SLC10A6: variants seen among roughly 807,000 people sequenced by gnomAD.
The protein encoded by SLC10A6 is solute carrier family 10 member 6, also known as sodium-dependent organic anion transporter.
Under a neutral mutation model 30.0 loss-of-function variants are expected in SLC10A6, and 27 were observed. That is an observed-to-expected ratio of 0.90 (90% CI 0.66 to 1.24). The LOEUF is 1.24. SLC10A6 is among the 50% of genes most tolerant of loss of function. SLC10A6 has a pLI of 0.00. For missense variants in SLC10A6, 439 were observed against 457.0 expected, an observed-to-expected ratio of 0.96 and a Z score of 0.36; for synonymous variants, 166 against 173.8, an observed-to-expected ratio of 0.95 and a Z score of 0.36.
At chr4:86,845,876 C>T (rs546217088) in intron 1 of SLC10A6, among the ~76,000 whole-genome samples, 4 of 152,300 alleles carry the variant, frequency 2.6e-5, no homozygotes, top group African/African-American at 7.2e-5. Flanking sequence ...ATTTGCAGAA[C>T]GCACAAACCG....
intron 1 of SLC10A6, 129 bp downstream of exon 1, chr4:86,848,608 CTG>C: frequency 1.6e-6 from 2 of 1,226,616 alleles, no homozygotes; most frequent in Non-Finnish European, 2.3e-6. Flanking sequence ...GAACAAGTCT[CTG>C]TGATATTTGT....
In SLC10A6 at chr4:86,825,724, T is replaced by A. The variant is rs979788027; in HGVS notation, c.762-147A>T. 15 of 883,178 alleles carry A rather than the reference T, an allele frequency of 1.7e-5. No individual in the cohort carries two copies. In the Admixed American group the frequency reaches 4.0e-4, roughly 24 times the overall value. The allele number at this position is 883,178 out of a possible 1,614,324, so 54.7% of individuals were successfully genotyped here. A position where few individuals can be genotyped will look rare whatever the true frequency, so the allele number is the denominator to read the frequency against. ...TCCATAGTTATTTGCTGAGTGCCTA[T>A]TCTGCAGGTGGTCTTCTGAGAGGCA... is the stretch of plus-strand genomic sequence containing the variant. On this transcript the variant is annotated intron_variant, in intron 4 of 5. Transcript: ENST00000273905.
chr4:86,828,197 T>C, intron 3 of SLC10A6, 29 bp from the exon 4 acceptor site: 1 of 1,597,742 alleles, frequency 6.3e-7, no homozygotes, highest in Non-Finnish European at 8.5e-7. Context: ...TAAGTGAATA[T>C]AAACTCAGGG....
chr4:86,838,382 A>T (rs564264272), intron 1 of SLC10A6, among the ~76,000 whole-genome samples: 4 of 152,164 alleles, frequency 2.6e-5, no homozygotes, highest in Non-Finnish European at 5.9e-5. Flanking sequence ...TCTCTAGGAG[A>T]CCTGGCATAG....
chr4:86,849,249 G>C lies in SLC10A6; in HGVS notation c.-134C>G, dbSNP rs1198533337. ...CATTCCAATAACTGTTGGCCAGCAA[G>C]GTGATTCATCCTAATCTGATCAATT... On this transcript the variant is annotated 5_prime_UTR_variant, in exon 1 of 6. Coordinates refer to ENST00000273905, the MANE Select transcript of SLC10A6 (RefSeq NM_197965.3). The C allele has an allele frequency of 1.9e-6, 2 of 1,078,656 alleles. No individual in the cohort carries two copies. The highest frequency in any genetic ancestry group is 3.2e-5 in the African/African-American group (2 of 63,340). 66.8% of individuals were successfully genotyped at this position (1,078,656 alleles called of 1,614,324 possible). A position where few individuals can be genotyped will look rare whatever the true frequency, so the allele number is the denominator to read the frequency against.
chr4:86,829,299 T>A (rs537407453), intron 3 of SLC10A6, among the ~76,000 whole-genome samples: 1 of 152,038 alleles, frequency 6.6e-6, no homozygotes, highest in East Asian at 1.9e-4. Flanking sequence ...TAATCCCAGC[T>A]ACTCAAGAGG....
At chr4:86,846,631 C>CAGGAG (rs996500428) in intron 1 of SLC10A6, among the ~76,000 whole-genome samples, 1 of 152,134 alleles carries the variant, frequency 6.6e-6, no homozygotes, top group African/African-American at 2.4e-5. Flanking sequence ...GAGGCTGAGG[C>CAGGAG]AGGAGAATCA....
At position 86,825,405 on chromosome 4, in the gene SLC10A6, T is replaced by C; in HGVS notation, c.919+15A>G. 1 of 1,576,838 alleles carries C rather than the reference T, an allele frequency of 6.3e-7. No homozygotes were observed. The highest frequency in any genetic ancestry group is 8.7e-7 in the Non-Finnish European group (1 of 1,150,890). On this transcript the variant is annotated intron_variant, in intron 5 of 5. Coordinates refer to ENST00000273905, the MANE Select transcript of SLC10A6 (RefSeq NM_197965.3). ...TTCCCGTCAGTTATTTCCTACCCAATGGGTGTTCACCCACCTGCAACAATA... is the reference window on the plus strand; with the variant it reads ...TTCCCGTCAGTTATTTCCTACCCAACGGGTGTTCACCCACCTGCAACAATA...
intron 1 of SLC10A6, among the ~76,000 whole-genome samples, chr4:86,844,796 T>TG (rs1746366186): frequency 6.6e-6 from 1 of 152,188 alleles, no homozygotes; most frequent in Non-Finnish European, 1.5e-5. Context: ...TCCACATGGT[T>TG]GGGGAGGTCT....
intron 4 of SLC10A6, among the ~76,000 whole-genome samples, chr4:86,827,735 C>G (rs1746020039): frequency 1.3e-5 from 2 of 152,264 alleles, no homozygotes; most frequent in Middle Eastern, 6.8e-3. Context: ...GGAATCAAAT[C>G]ATGTCGTTTT....
At chr4:86,837,968 C>T (rs1013754131) in intron 1 of SLC10A6, among the ~76,000 whole-genome samples, 7 of 152,192 alleles carry the variant, frequency 4.6e-5, no homozygotes, top group Admixed American at 3.9e-4. Flanking sequence ...ATTGGGTCTA[C>T]AAGTCATCTG....
rs80257466 is a variant in SLC10A6, at chr4:86,832,776, A to G, written c.496+530T>C. 2.5e-3 allele frequency among the ~76,000 whole-genome samples: 382 copies of G among 152,296 alleles called. 2 individuals carry two copies. Among genetic ancestry groups the G allele is most frequent in the African/African-American group, 8.9e-3 (372 of 41,570 alleles). On this transcript the variant is annotated intron_variant, in intron 2 of 5. Coordinates refer to ENST00000273905, the MANE Select transcript of SLC10A6 (RefSeq NM_197965.3). ...GGAGATAATGAAAGAGATATGGGTG[A>G]GACTGTGACATGTAGATGAGTTTTC...
At chr4:86,828,233 A>G in intron 3 of SLC10A6, 65 bp from the exon 4 acceptor site, 1 of 1,512,824 alleles carries the variant, frequency 6.6e-7, no homozygotes, top group Non-Finnish European at 8.9e-7. Flanking sequence ...TACAAAGTCC[A>G]TCAAGGTTGT....
At chr4:86,832,601 A>C (rs994786363) in intron 2 of SLC10A6, among the ~76,000 whole-genome samples, 1 of 147,632 alleles carries the variant, frequency 6.8e-6, no homozygotes, top group African/African-American at 2.6e-5. Context: ...AAAAAAAAAA[A>C]ACAAAAAAAC....
At chr4:86,838,912 C>CAAAAA (rs149710895) in intron 1 of SLC10A6, among the ~76,000 whole-genome samples, 1 of 75,944 alleles carries the variant, frequency 1.3e-5, no homozygotes, top group African/African-American at 5.1e-5. Context: ...GACAGTGTCT[C>CAAAAA]AAAAAAAAAA....
intron 1 of SLC10A6, among the ~76,000 whole-genome samples, chr4:86,842,612 A>T (rs1208333647): frequency 6.6e-6 from 1 of 151,666 alleles, no homozygotes; most frequent in Non-Finnish European, 1.5e-5. Flanking sequence ...TGAGAGGATC[A>T]CTTGACCCCA....
At chr4:86,834,818 G>A (rs1746153164) in intron 1 of SLC10A6, among the ~76,000 whole-genome samples, 1 of 152,142 alleles carries the variant, frequency 6.6e-6, no homozygotes, top group African/African-American at 2.4e-5. Flanking sequence ...AAGGACCTCA[G>A]GAAGTTCGCA....
At chr4:86,824,374 G>C (rs1295660680) in intron 5 of SLC10A6, among the ~76,000 whole-genome samples, 10 of 151,988 alleles carry the variant, frequency 6.6e-5, no homozygotes, top group Admixed American at 5.9e-4. Flanking sequence ...TTATCTGTTG[G>C]GGAAATTAAG....
intron 1 of SLC10A6, among the ~76,000 whole-genome samples, chr4:86,839,603 A>G (rs1746256228): frequency 6.6e-6 from 1 of 152,228 alleles, no homozygotes; most frequent in Admixed American, 6.5e-5. Flanking sequence ...TAAATATGCC[A>G]TAATTTCTTC....
Sources: allele counts gnomAD v4.1 joint callset (sites outside exome capture counted in the v4.1 genomes callset), GRCh38; gene constraint gnomAD v4.1.1; transcripts MANE v1.5; gene names NCBI Gene and HGNC (gene_info 2026-07-23, HGNC 2026-07-21).